CMTM8: variants seen among roughly 807,000 people sequenced by gnomAD.
CMTM8 encodes the protein CKLF like MARVEL transmembrane domain containing 8, also known as CKLF-like MARVEL transmembrane domain-containing protein 8.
Under a neutral mutation model 18.6 loss-of-function variants are expected in CMTM8, and 12 were observed. That is an observed-to-expected ratio of 0.65 (90% CI 0.41 to 1.05). CMTM8 has a LOEUF of 1.05. Ranked by LOEUF, CMTM8 falls within the 50% of genes least tolerant of loss-of-function variation. CMTM8 has a pLI of 0.00. For missense variants in CMTM8, 217 were observed against 227.2 expected, an observed-to-expected ratio of 0.95 and a Z score of 0.29; for synonymous variants, 87 against 90.6, an observed-to-expected ratio of 0.96 and a Z score of 0.23.
At chr3:32,361,285 A>AGTTTTTTTTTTGTTTTTTTTTT (rs1350130022) in intron 2 of CMTM8, among the ~76,000 whole-genome samples, 8 of 23,908 alleles carry the variant, frequency 3.3e-4, no homozygotes, top group Admixed American at 7.6e-4. Flanking sequence ...CCAGCCTAAG[A>AGTTTTTTTTTTGTTTTTTTTTT]GTTTTTTTTT....
chr3:32,329,828 A>T (rs987452610), intron 1 of CMTM8, among the ~76,000 whole-genome samples: 1 of 152,208 alleles, frequency 6.6e-6, no homozygotes, highest in African/African-American at 2.4e-5. Context: ...TTAACCAATG[A>T]CATGACCTAG....
intron 1 of CMTM8, among the ~76,000 whole-genome samples, chr3:32,338,395 C>T (rs752033470): frequency 3.9e-5 from 6 of 152,140 alleles, no homozygotes; most frequent in Non-Finnish European, 8.8e-5. Context: ...CTTTCACTGA[C>T]TGAGTACCCT....
chr3:32,272,271 A>C (rs568753731), intron 1 of CMTM8, among the ~76,000 whole-genome samples: 1 of 152,254 alleles, frequency 6.6e-6, no homozygotes, highest in African/African-American at 2.4e-5. Context: ...CAGCAACTTC[A>C]TTATGATATG....
At position 32,367,916 on chromosome 3, in the gene CMTM8, C is replaced by T. The variant is rs138460448; in HGVS notation, c.366C>T (p.Ala122=). Residue 122 remains alanine, a synonymous_variant, in exon 3 of 4, where the codon GCC becomes GCT. Coordinates refer to ENST00000307526, the MANE Select transcript of CMTM8 (RefSeq NM_178868.5). ...GTGCCTTCGTCTTGTACCTCTCTGC[C>T]GCTGTTGTAGATGCATCTTCCGTCT... ...NGSAFVLYLS[A]AVVDASSVSP... is the part of the protein sequence containing the mutation. 5.7e-3 allele frequency: 9,121 copies of T among 1,614,062 alleles called. 43 individuals carry two copies. Among genetic ancestry groups the T allele is most frequent in the South Asian group, 0.011 (967 of 91,068 alleles).
At chr3:32,257,309 T>G in intron 1 of CMTM8, among the ~76,000 whole-genome samples, 1 of 152,216 alleles carries the variant, frequency 6.6e-6, no homozygotes, top group South Asian at 2.1e-4. Context: ...TGCCACTTTT[T>G]GGGCTCTTTA....
chr3:32,260,904 C>G (rs896436982), intron 1 of CMTM8, among the ~76,000 whole-genome samples: 2 of 152,110 alleles, frequency 1.3e-5, no homozygotes, highest in African/African-American at 4.8e-5. Flanking sequence ...CATTCTTAAG[C>G]TCCTCAAGGT....
intron 1 of CMTM8, among the ~76,000 whole-genome samples, chr3:32,356,755 A>G (rs760184543): frequency 6.6e-6 from 1 of 152,184 alleles, no homozygotes; most frequent in Non-Finnish European, 1.5e-5. Flanking sequence ...TTCCTTGACA[A>G]ATACCAGCCT....
chr3:32,282,107 C>T (rs1168684699), intron 1 of CMTM8, among the ~76,000 whole-genome samples: 1 of 152,148 alleles, frequency 6.6e-6, no homozygotes, highest in Non-Finnish European at 1.5e-5. Context: ...GCCCACTCAC[C>T]ATCTCTTCTG....
intron 2 of CMTM8, among the ~76,000 whole-genome samples, chr3:32,366,068 C>T: frequency 6.6e-6 from 1 of 152,084 alleles, no homozygotes; most frequent in East Asian, 1.9e-4. Context: ...CCAGGCATTC[C>T]CCGGACATGT....
chr3:32,295,108 G>A (rs1702850053), intron 1 of CMTM8, among the ~76,000 whole-genome samples: 1 of 151,920 alleles, frequency 6.6e-6, no homozygotes, highest in Non-Finnish European at 1.5e-5. Flanking sequence ...AGTGAATGGT[G>A]ATTTATTCAG....
intron 1 of CMTM8, among the ~76,000 whole-genome samples, chr3:32,317,028 C>T (rs996493877): frequency 7.9e-5 from 12 of 152,178 alleles, no homozygotes; most frequent in African/African-American, 2.9e-4. Flanking sequence ...ATCTAAATTT[C>T]AAACGCTTCA....
At chr3:32,359,045 G>T (rs1696868647) in intron 2 of CMTM8, among the ~76,000 whole-genome samples, 1 of 152,242 alleles carries the variant, frequency 6.6e-6, no homozygotes, top group Non-Finnish European at 1.5e-5. Context: ...AACTTGGACA[G>T]TGTAGTAGGG....
chr3:32,319,061 T>C (rs189315589), intron 1 of CMTM8, among the ~76,000 whole-genome samples: 18 of 40,522 alleles, frequency 4.4e-4, no homozygotes, highest in African/African-American at 2.0e-3. Context: ...TATATACATA[T>C]ATATATATAT....
intron 1 of CMTM8, among the ~76,000 whole-genome samples, chr3:32,340,530 A>C (rs921293006): frequency 1.3e-5 from 2 of 152,248 alleles, no homozygotes; most frequent in African/African-American, 4.8e-5. Flanking sequence ...CAAAAACATC[A>C]GTACACATAT....
intron 1 of CMTM8, among the ~76,000 whole-genome samples, chr3:32,267,967 G>T (rs527604336): frequency 1.2e-4 from 19 of 152,312 alleles, no homozygotes; most frequent in Non-Finnish European, 2.8e-4. Context: ...AGGATGTGGA[G>T]AAATAGGAAC....
At chr3:32,324,641 G>A (rs988703109) in intron 1 of CMTM8, among the ~76,000 whole-genome samples, 1 of 152,144 alleles carries the variant, frequency 6.6e-6, no homozygotes, top group Non-Finnish European at 1.5e-5. Context: ...GACAAAGATG[G>A]CAGGGCCTTT....
At chr3:32,334,674 C>T (rs898074127) in intron 1 of CMTM8, among the ~76,000 whole-genome samples, 1 of 151,896 alleles carries the variant, frequency 6.6e-6, no homozygotes, top group African/African-American at 2.4e-5. Context: ...CTTTTTGAAG[C>T]CAACTCGTGT....
chr3:32,283,472 C>G (rs896638426), intron 1 of CMTM8, among the ~76,000 whole-genome samples: 1 of 152,176 alleles, frequency 6.6e-6, no homozygotes, highest in African/African-American at 2.4e-5. Context: ...GTGACCAGCA[C>G]GTCCCCCGGG....
intron 1 of CMTM8, among the ~76,000 whole-genome samples, chr3:32,290,768 A>T (rs1702765835): frequency 6.6e-6 from 1 of 152,252 alleles, no homozygotes; most frequent in Non-Finnish European, 1.5e-5. Flanking sequence ...AGTTACAATC[A>T]TTTGTCATGG....
Sources: allele counts gnomAD v4.1 joint callset (sites outside exome capture counted in the v4.1 genomes callset), GRCh38; gene constraint gnomAD v4.1.1; transcripts MANE v1.5; gene names NCBI Gene and HGNC (gene_info 2026-07-23, HGNC 2026-07-21).